The following MAP4K3 variants were observed in gnomAD, a reference collection of about 807,000 sequenced individuals.
The protein encoded by MAP4K3 is mitogen-activated protein kinase kinase kinase kinase 3.
MAP4K3 carries 94 observed loss-of-function variants against 143.5 expected under a neutral mutation model. The observed-to-expected ratio is 0.65, with a 90% CI of 0.55 to 0.78. The LOEUF (loss-of-function observed/expected upper bound fraction) is 0.78. Among genes scored for constraint, MAP4K3 ranks in the 30% least tolerant of loss-of-function variants. The pLI is 0.00. For synonymous variants in MAP4K3, 416 were observed against 347.2 expected, an observed-to-expected ratio of 1.20 and a Z score of -2.20; for missense variants, 1,077 against 1,068.1, an observed-to-expected ratio of 1.01 and a Z score of -0.12.
intron 2 of MAP4K3, among the ~76,000 whole-genome samples, chr2:39,373,821 G>A (rs577424101): frequency 2.0e-5 from 3 of 152,244 alleles, no homozygotes; most frequent in East Asian, 3.9e-4. Context: ...GGGGGTAGAA[G>A]GGATTTGGAG....
Position 39,278,408 on chromosome 2 carries a change from T to C in MAP4K3, c.1793A>G (p.Gln598Arg). 1 of 1,560,192 alleles carries C rather than the reference T, an allele frequency of 6.4e-7. No individual in the cohort carries two copies. Among genetic ancestry groups the C allele is most frequent in the South Asian group, 1.2e-5 (1 of 82,656 alleles). ...LNELHETSMEQLFPRRCTWLY... is the reference protein window; with the variant it reads ...LNELHETSMERLFPRRCTWLY... ...AAAAGAATATACAAAATAACATACC[T>C]GTTCCATTGATGTTTCATGAAGTTC... The change falls in exon 24 of 34, where the codon CAG becomes CGG. Residue 598 changes from glutamine (Q) to arginine (R), a missense_variant and splice_region_variant. By Grantham distance (43) the Gln-to-Arg change is conservative. Around this residue, in one of 2 missense-constraint regions of MAP4K3, gnomAD observed 864 missense variants for 801.2 expected, o/e 1.08. Transcript: ENST00000263881.
chr2:39,332,701 A>G (rs896888994), intron 7 of MAP4K3, among the ~76,000 whole-genome samples: 5 of 152,058 alleles, frequency 3.3e-5, no homozygotes, highest in Admixed American at 2.6e-4. Flanking sequence ...CTAAGCAATC[A>G]ATAGATAACT....
At chr2:39,381,358 A>C (rs1385654872) in intron 1 of MAP4K3, among the ~76,000 whole-genome samples, 1 of 152,174 alleles carries the variant, frequency 6.6e-6, no homozygotes, top group African/African-American at 2.4e-5. Flanking sequence ...TAATTGTAAG[A>C]GTTCTTCACA....
intron 1 of MAP4K3, among the ~76,000 whole-genome samples, chr2:39,425,981 AG>A (rs1439595785): frequency 6.6e-6 from 1 of 152,212 alleles, no homozygotes; most frequent in Non-Finnish European, 1.5e-5. Flanking sequence ...AGGTTTGATG[AG>A]GAACAAAATA....
At chr2:39,422,199 G>C (rs1184365453) in intron 1 of MAP4K3, among the ~76,000 whole-genome samples, 1 of 151,896 alleles carries the variant, frequency 6.6e-6, no homozygotes, top group South Asian at 2.1e-4. Flanking sequence ...CTTGAAAAGA[G>C]ACCACAGACA....
At chr2:39,377,107 C>T (rs1424379763) in intron 2 of MAP4K3, among the ~76,000 whole-genome samples, 1 of 150,314 alleles carries the variant, frequency 6.7e-6, no homozygotes, top group African/African-American at 2.4e-5. Context: ...TATTGATGCT[C>T]TAAATAAGGG....
At chr2:39,268,038 CTTA>C (rs1680838183) in intron 26 of MAP4K3, among the ~76,000 whole-genome samples, 1 of 152,078 alleles carries the variant, frequency 6.6e-6, no homozygotes, top group African/African-American at 2.4e-5. Context: ...AAAAAGCTGT[CTTA>C]TTATAAAAAT....
chr2:39,420,603 A>G (rs1483101159), intron 1 of MAP4K3, among the ~76,000 whole-genome samples: 1 of 150,338 alleles, frequency 6.7e-6, no homozygotes, highest in Non-Finnish European at 1.5e-5. Context: ...TTAAGAGATG[A>G]GGTCTAGCTA....
At chr2:39,343,580 A>AGT (rs1665202318) in intron 3 of MAP4K3, 128 bp from the exon 4 acceptor site, 8 of 647,754 alleles carry the variant, frequency 1.2e-5, no homozygotes, top group Admixed American at 2.9e-5. Flanking sequence ...TCTTTAAAAT[A>AGT]ACTAATTAAT....
At chr2:39,371,285 G>A (rs947360828) in intron 2 of MAP4K3, among the ~76,000 whole-genome samples, 1 of 152,110 alleles carries the variant, frequency 6.6e-6, no homozygotes, top group Non-Finnish European at 1.5e-5. Flanking sequence ...GTATGTAAAG[G>A]GGCAGACTTC....
intron 13 of MAP4K3, among the ~76,000 whole-genome samples, chr2:39,311,514 G>C (rs948511217): frequency 6.6e-6 from 1 of 152,154 alleles, no homozygotes; most frequent in African/African-American, 2.4e-5. Context: ...GATCAGCGTT[G>C]GCTGATGTGA....
intron 1 of MAP4K3, among the ~76,000 whole-genome samples, chr2:39,431,540 G>A (rs1409267666): frequency 2.6e-5 from 4 of 152,088 alleles, no homozygotes; most frequent in Admixed American, 6.5e-5. Flanking sequence ...GCTGTTTTTT[G>A]TAGGGTGGAA....
intron 4 of MAP4K3, among the ~76,000 whole-genome samples, chr2:39,342,011 C>T (rs1665153397): frequency 6.6e-6 from 1 of 151,928 alleles, no homozygotes; most frequent in Non-Finnish European, 1.5e-5. Flanking sequence ...CTATTCGACC[C>T]CACACCCACA....
At chr2:39,408,743 CA>C (rs1434311879) in intron 1 of MAP4K3, among the ~76,000 whole-genome samples, 31 of 151,866 alleles carry the variant, frequency 2.0e-4, no homozygotes, top group African/African-American at 7.5e-4. Flanking sequence ...GAGGAATTAA[CA>C]GAAGCAACTT....
intron 1 of MAP4K3, among the ~76,000 whole-genome samples, chr2:39,408,418 T>C (rs1286578200): frequency 1.3e-5 from 2 of 152,106 alleles, no homozygotes; most frequent in East Asian, 1.9e-4. Flanking sequence ...GGGAAGGGAC[T>C]GTCAATTCAA....
intron 16 of MAP4K3, among the ~76,000 whole-genome samples, chr2:39,297,598 C>T (rs12622941): frequency 0.88 from 133,617 of 152,184 alleles, 58,867 homozygotes; most frequent in Non-Finnish European, 0.91. Flanking sequence ...AGTTCCTGCA[C>T]GGTCTGGAAT....
At chr2:39,311,754 T>A (rs971827437) in intron 13 of MAP4K3, among the ~76,000 whole-genome samples, 4 of 152,218 alleles carry the variant, frequency 2.6e-5, no homozygotes, top group Admixed American at 2.6e-4. Flanking sequence ...CTAGCTGATA[T>A]CCTGTGTGCA....
At position 39,435,422 on chromosome 2, in the gene MAP4K3, G is replaced by A. The variant is rs529876393; in HGVS notation, c.96+1470C>T. ...GGCTATACAGGCCTTCTTTCACATC[G>A]GGCCTCAGAGCCTTCACATATCATG... On this transcript the variant is annotated intron_variant, in intron 1 of 33. Transcript: ENST00000263881. Among the ~76,000 whole-genome samples the A allele has an allele frequency of 2.0e-5, 3 of 152,102 alleles. No homozygotes were observed. In the South Asian group the frequency reaches 6.2e-4, roughly 32 times the overall value.
intron 3 of MAP4K3, among the ~76,000 whole-genome samples, chr2:39,355,895 A>C (rs1287887889): frequency 1.3e-5 from 2 of 152,336 alleles, no homozygotes; most frequent in South Asian, 4.1e-4. Context: ...AGTTTTTGAT[A>C]AACACATAGC....
Sources: allele counts gnomAD v4.1 joint callset (sites outside exome capture counted in the v4.1 genomes callset), GRCh38; gene constraint gnomAD v4.1.1; regional missense constraint gnomAD v4.1.1; transcripts MANE v1.5; gene names NCBI Gene and HGNC (gene_info 2026-07-23, HGNC 2026-07-21).